Variants in NTM observed in about 807,000 individuals in gnomAD.
NTM encodes the protein neurotrimin.
In NTM, 13 loss-of-function variants were observed where a neutral mutation model predicts 42.1. The observed-to-expected ratio is 0.31, with a 90% confidence interval of 0.20 to 0.49. The LOEUF (loss-of-function observed/expected upper bound fraction) is 0.49. Among genes scored for constraint, NTM ranks in the 20% least tolerant of loss-of-function variants. NTM has a pLI of 0.99. For missense variants in NTM, 373 were observed against 452.8 expected, an observed-to-expected ratio of 0.82 and a Z score of 1.60; for synonymous variants, 187 against 179.2, an observed-to-expected ratio of 1.04 and a Z score of -0.35.
chr11:131,577,619 A>G (rs1442058570), intron 1 of NTM, among the ~76,000 whole-genome samples: 1 of 152,250 alleles, frequency 6.6e-6, no homozygotes, highest in Non-Finnish European at 1.5e-5. Context: ...TCTTGGAACG[A>G]AAGTGGCTAG....
At chr11:132,001,530 G>A (rs538718781) in intron 2 of NTM, among the ~76,000 whole-genome samples, 1 of 152,226 alleles carries the variant, frequency 6.6e-6, no homozygotes, top group East Asian at 1.9e-4. Context: ...TTCAACCATG[G>A]CAAAAGGTAA....
intron 1 of NTM, chr11:131,771,610 T>G (rs1565527428): frequency 6.6e-6 from 1 of 152,184 alleles, no homozygotes; most frequent in East Asian, 1.9e-4. Context: ...CTAAAAGTGA[T>G]TGTCTCAGAT....
Position 131,891,893 on chromosome 11 carries a change from C to A in NTM, c.83-19671C>A, listed in dbSNP as rs192460356. On this transcript the variant is annotated intron_variant, in intron 1 of 8. Coordinates refer to ENST00000683400, the MANE Select transcript of NTM (RefSeq NM_001352005.2). The stretch of plus-strand genomic sequence containing the variant: ...TCGTCTGCTCCTGAATCATAGTCTT[C>A]CTTTTGCCCTTTGTAAATTATCTCT... Among the ~76,000 whole-genome samples, 33 of 152,298 alleles carry A rather than the reference C, an allele frequency of 2.2e-4. 1 individual carries two copies. The East Asian group carries it at 6.4e-3, about 29-fold the overall frequency.
At chr11:131,663,801 C>G (rs1164144684) in intron 1 of NTM, among the ~76,000 whole-genome samples, 1 of 152,148 alleles carries the variant, frequency 6.6e-6, no homozygotes, top group Non-Finnish European at 1.5e-5. Context: ...TACACACACA[C>G]ACACAGAGAT....
chr11:131,427,032 C>T lies in NTM; in HGVS notation c.82+56144C>T, dbSNP rs190620285. On this transcript the variant is annotated intron_variant, in intron 1 of 8. Transcript: ENST00000683400. ...AATGGTTCTGGTGGTCAGGGGCTTG[C>T]CAGGAAGGAGAAAGATGCTGACCTT... Among the ~76,000 whole-genome samples the T allele has an allele frequency of 1.8e-3, 271 of 152,028 alleles. 2 individuals are homozygous for T. The highest frequency in any genetic ancestry group is 3.4e-3 in the Non-Finnish European group (232 of 67,980).
chr11:132,176,187 A>G (rs2076783309), intron 3 of NTM, among the ~76,000 whole-genome samples: 1 of 152,198 alleles, frequency 6.6e-6, no homozygotes, highest in African/African-American at 2.4e-5. Flanking sequence ...ACGCTGATTC[A>G]TCTGTCCTTT....
intron 1 of NTM, among the ~76,000 whole-genome samples, chr11:131,608,229 T>A (rs1310797457): frequency 3.3e-5 from 5 of 152,206 alleles, no homozygotes; most frequent in Admixed American, 1.3e-4. Flanking sequence ...CATGAACTCA[T>A]CCTTTTTTAT....
rs568531279 is a variant in NTM at position 131,424,242 on chromosome 11, A to G, written c.82+53354A>G. 2.0e-3 allele frequency among the ~76,000 whole-genome samples: 308 copies of G among 152,292 alleles called. 2 individuals carry two copies. The highest frequency in any genetic ancestry group is 7.2e-3 in the African/African-American group (300 of 41,558). On this transcript the variant is annotated intron_variant, in intron 1 of 8. Coordinates refer to ENST00000683400, the MANE Select transcript of NTM (RefSeq NM_001352005.2). Reference sequence around the variant, plus strand: ...GGAAAGAAAGGAAAAAAAAGAAAGAAAATAGCAGATGGGAAATCAATTGGA... The same window carrying G: ...GGAAAGAAAGGAAAAAAAAGAAAGAGAATAGCAGATGGGAAATCAATTGGA...
intron 1 of NTM, among the ~76,000 whole-genome samples, chr11:131,490,487 A>C (rs1478430663): frequency 6.6e-6 from 1 of 152,202 alleles, no homozygotes; most frequent in Non-Finnish European, 1.5e-5. Flanking sequence ...GGGTTGACCC[A>C]ATGCTGCTCC....
chr11:131,827,880 G>C (rs1031691635), intron 1 of NTM, among the ~76,000 whole-genome samples: 2 of 152,098 alleles, frequency 1.3e-5, no homozygotes, highest in Non-Finnish European at 2.9e-5. Context: ...ACCATCATCA[G>C]GTACTAATAC....
At chr11:131,753,925 A>C (rs1251027844) in intron 1 of NTM, among the ~76,000 whole-genome samples, 4 of 151,136 alleles carry the variant, frequency 2.6e-5, no homozygotes, top group Non-Finnish European at 5.9e-5. Flanking sequence ...AATGTGGCAC[A>C]TATACACCAT....
At chr11:132,161,114 C>G (rs1456538504) in intron 3 of NTM, among the ~76,000 whole-genome samples, 1 of 152,106 alleles carries the variant, frequency 6.6e-6, no homozygotes, top group East Asian at 1.9e-4. Context: ...GGGATCCCCC[C>G]TTCCTTCTTG....
chr11:131,841,960 C>T (rs937990196), intron 1 of NTM, among the ~76,000 whole-genome samples: 9 of 152,228 alleles, frequency 5.9e-5, no homozygotes, highest in African/African-American at 2.2e-4. Flanking sequence ...AGGAGCCACA[C>T]TAGAATGGGC....
At chr11:131,409,590 G>A (rs572125899) in intron 1 of NTM, among the ~76,000 whole-genome samples, 1 of 152,366 alleles carries the variant, frequency 6.6e-6, no homozygotes, top group African/African-American at 2.4e-5. Context: ...TGAGTGGAGT[G>A]ACCTTGAGAA....
intron 1 of NTM, among the ~76,000 whole-genome samples, chr11:131,909,489 T>C (rs1210693377): frequency 6.6e-6 from 1 of 152,260 alleles, no homozygotes; most frequent in East Asian, 1.9e-4. Flanking sequence ...AGCTTCCTGG[T>C]TGTGTTTGAT....
chr11:131,565,848 C>T (rs2056825624), intron 1 of NTM, among the ~76,000 whole-genome samples: 1 of 152,142 alleles, frequency 6.6e-6, no homozygotes, highest in South Asian at 2.1e-4. Flanking sequence ...AACTCAGTTG[C>T]CCGTCTTTTG....
chr11:132,079,845 C>T (rs1313020819), intron 2 of NTM, among the ~76,000 whole-genome samples: 2 of 152,188 alleles, frequency 1.3e-5, no homozygotes, highest in Non-Finnish European at 2.9e-5. Flanking sequence ...CCACATCACA[C>T]CTTTTTGTTC....
chr11:131,624,807 A>G (rs2062942616), intron 1 of NTM, among the ~76,000 whole-genome samples: 1 of 152,184 alleles, frequency 6.6e-6, no homozygotes. Context: ...CCATTCATTC[A>G]TTCTTTCCTG....
intron 1 of NTM, among the ~76,000 whole-genome samples, chr11:131,547,761 C>T (rs1319526876): frequency 6.6e-6 from 1 of 152,146 alleles, no homozygotes; most frequent in Non-Finnish European, 1.5e-5. Context: ...GCTTTTAGTT[C>T]TCTCCTAGTC....
Sources: allele counts gnomAD v4.1 joint callset (sites outside exome capture counted in the v4.1 genomes callset), GRCh38; gene constraint gnomAD v4.1.1; transcripts MANE v1.5; gene names NCBI Gene and HGNC (gene_info 2026-07-23, HGNC 2026-07-21).